Variants in PRKD1 observed in about 807,000 individuals in gnomAD.
PRKD1 encodes the protein serine/threonine-protein kinase D1.
In PRKD1, 63 loss-of-function variants were observed where a neutral mutation model predicts 95.9. The observed-to-expected ratio is 0.66, with a 90% CI of 0.54 to 0.81. PRKD1 has a LOEUF of 0.81. PRKD1 is among the 30% of genes least tolerant of loss of function. The pLI is 0.00. For missense variants in PRKD1, 1,048 were observed against 1,165.3 expected (o/e 0.90, Z 1.47); for synonymous variants, 425 against 423.1 (o/e 1.00, Z -0.05).
chr14:29,924,473 C>T (rs1264686346), intron 1 of PRKD1, among the ~76,000 whole-genome samples: 1 of 152,122 alleles, frequency 6.6e-6, no homozygotes, highest in Non-Finnish European at 1.5e-5. Flanking sequence ...AGGAAATGTC[C>T]TGTGATGTTA....
intron 2 of PRKD1, among the ~76,000 whole-genome samples, chr14:29,667,446 A>C (rs1394284005): frequency 6.6e-6 from 1 of 152,138 alleles, no homozygotes; most frequent in African/African-American, 2.4e-5. Flanking sequence ...AATTCAAATA[A>C]GTTTAAGAAA....
At chr14:29,649,574 T>C (rs1172277173) in intron 4 of PRKD1, among the ~76,000 whole-genome samples, 1 of 152,164 alleles carries the variant, frequency 6.6e-6, no homozygotes, top group Non-Finnish European at 1.5e-5. Flanking sequence ...TATGAGTTAA[T>C]AAAAGGAAAT....
chr14:29,629,301 C>T (rs1440098559), intron 10 of PRKD1, among the ~76,000 whole-genome samples: 2 of 152,108 alleles, frequency 1.3e-5, no homozygotes, highest in Admixed American at 1.3e-4. Flanking sequence ...AATAATATTT[C>T]ATCAATTTAG....
intron 1 of PRKD1, among the ~76,000 whole-genome samples, chr14:29,791,946 T>C (rs1005825747): frequency 6.6e-6 from 1 of 152,144 alleles, no homozygotes; most frequent in Admixed American, 6.6e-5. Flanking sequence ...TGGTATTGTA[T>C]GTTCTCACCA....
Position 29,826,824 on chromosome 14 carries a change from T to TATACATATATATACAC in PRKD1, c.264+100424_264+100425insGTGTATATATATGTAT, listed in dbSNP as rs1891196072. On this transcript the variant is annotated intron_variant, in intron 1 of 17. Coordinates refer to ENST00000331968, the MANE Select transcript of PRKD1 (RefSeq NM_002742.3). ...ATACACATATATATACACATATATA[T>TATACATATATATACAC]ATATATATATATATACACACATATA... 1.0e-4 allele frequency among the ~76,000 whole-genome samples: 3 copies of TATACATATATATACAC among 29,234 alleles called. 1 individual carries two copies. The highest frequency in any genetic ancestry group is 1.9e-4 in the Non-Finnish European group (3 of 15,836). 19.2% of individuals were successfully genotyped at this position (29,234 alleles called of 152,430 possible). A position where few individuals can be genotyped will look rare whatever the true frequency, so the allele number is the denominator to read the frequency against.
intron 2 of PRKD1, among the ~76,000 whole-genome samples, chr14:29,678,825 G>A (rs978747644): frequency 6.6e-6 from 1 of 152,050 alleles, no homozygotes; most frequent in African/African-American, 2.4e-5. Context: ...GTGATTATTT[G>A]AGTCACAATG....
intron 1 of PRKD1, among the ~76,000 whole-genome samples, chr14:29,901,215 T>C (rs1033239026): frequency 6.6e-6 from 1 of 152,210 alleles, no homozygotes; most frequent in East Asian, 1.9e-4. Flanking sequence ...GAGGTAATTA[T>C]CCTAGGCAAA....
intron 1 of PRKD1, among the ~76,000 whole-genome samples, chr14:29,802,938 T>C (rs1890093886): frequency 6.6e-6 from 1 of 152,226 alleles, no homozygotes; most frequent in Admixed American, 6.5e-5. Context: ...TGGATTTATC[T>C]TCTAGGAACT....
chr14:29,885,507 AC>A (rs1254015234), intron 1 of PRKD1, among the ~76,000 whole-genome samples: 1 of 151,990 alleles, frequency 6.6e-6, no homozygotes, highest in African/African-American at 2.4e-5. Context: ...GTCATATACC[AC>A]TTATAAGACC....
chr14:29,661,607 T>C (rs937323345), intron 4 of PRKD1, among the ~76,000 whole-genome samples: 2 of 152,116 alleles, frequency 1.3e-5, no homozygotes, highest in South Asian at 2.1e-4. Flanking sequence ...TTCTCAGGGA[T>C]TGGGTAAAAA....
intron 16 of PRKD1, among the ~76,000 whole-genome samples, chr14:29,586,607 T>C (rs982240608): frequency 3.9e-5 from 6 of 152,204 alleles, no homozygotes; most frequent in African/African-American, 1.4e-4. Flanking sequence ...TACTTTGTAA[T>C]GAGGGAAGTA....
chr14:29,914,595 G>A (rs1313830749), intron 1 of PRKD1, among the ~76,000 whole-genome samples: 2 of 152,028 alleles, frequency 1.3e-5, no homozygotes, highest in African/African-American at 2.4e-5. Context: ...TTAGCTAGGC[G>A]TGGTGGCACA....
Position 29,598,028 on chromosome 14 carries a change from C to G in PRKD1, c.2167-270G>C, listed in dbSNP as rs140971358. 2.7e-3 allele frequency among the ~76,000 whole-genome samples: 412 copies of G among 152,162 alleles called. 1 individual carries two copies. Among genetic ancestry groups the G allele is most frequent in the African/African-American group, 8.6e-3 (359 of 41,522 alleles). On this transcript the variant is annotated intron_variant, in intron 15 of 17. Transcript: ENST00000331968. The stretch of plus-strand genomic sequence containing the variant: ...CAGTGGCTCATGCCTGTAATTCTAA[C>G]ATTTTGGGAGGCTGAGGCAGGAGGA...
chr14:29,655,767 G>A (rs1214936554), intron 4 of PRKD1, among the ~76,000 whole-genome samples: 2 of 151,994 alleles, frequency 1.3e-5, no homozygotes, highest in East Asian at 1.9e-4. Flanking sequence ...TGTCTGGATT[G>A]AGAGACTGAC....
chr14:29,611,795 T>C (rs572018735), intron 13 of PRKD1, among the ~76,000 whole-genome samples: 4 of 151,000 alleles, frequency 2.6e-5, no homozygotes, highest in African/African-American at 9.7e-5. Context: ...TGTTTAATGG[T>C]TTATAAAAAT....
chr14:29,638,290 T>A (rs1021964713), intron 6 of PRKD1, 199 bp downstream of exon 6: 8 of 584,144 alleles, frequency 1.4e-5, no homozygotes, highest in Non-Finnish European at 2.4e-5. Context: ...GTAAAGATCA[T>A]GAAAGGGTCT....
chr14:29,699,985 A>G (rs184574532), intron 2 of PRKD1, among the ~76,000 whole-genome samples: 30 of 152,194 alleles, frequency 2.0e-4, no homozygotes, highest in Admixed American at 1.9e-3. Flanking sequence ...AGTTTTATTT[A>G]AAAGATTTTA....
At chr14:29,743,778 C>T (rs1441848702) in intron 1 of PRKD1, among the ~76,000 whole-genome samples, 10 of 152,206 alleles carry the variant, frequency 6.6e-5, no homozygotes, top group Admixed American at 5.9e-4. Flanking sequence ...ATGCCCTTCA[C>T]ATTGCCAGCT....
intron 1 of PRKD1, among the ~76,000 whole-genome samples, chr14:29,763,208 A>G (rs1226911063): frequency 6.7e-6 from 1 of 148,988 alleles, no homozygotes; most frequent in Non-Finnish European, 1.5e-5. Context: ...GAGTTGGGGG[A>G]AACGGTTGAG....
Sources: allele counts gnomAD v4.1 joint callset (sites outside exome capture counted in the v4.1 genomes callset), GRCh38; gene constraint gnomAD v4.1.1; transcripts MANE v1.5; gene names NCBI Gene and HGNC (gene_info 2026-07-23, HGNC 2026-07-21).